ANGPTL4: variants seen among roughly 807,000 people sequenced by gnomAD.
ANGPTL4 encodes angiopoietin like 4.
A neutral mutation model predicts 39.2 loss-of-function variants in ANGPTL4; 39 were observed. The observed-to-expected ratio is 1.00, with a 90% CI of 0.77 to 1.30. The LOEUF is 1.30. Among genes scored for constraint, ANGPTL4 ranks in the 50% most tolerant of loss-of-function variants. The pLI is 0.00. For missense variants in ANGPTL4, 545 were observed against 549.8 expected (o/e 0.99, Z 0.09); for synonymous variants, 233 against 229.5 (o/e 1.02, Z -0.14).
chr19:8,371,170 G>T lies in ANGPTL4; in HGVS notation c.757+19G>T. ...CCCCACGGTAGGTGTTTCTAGTGGG[G>T]ACAGAGGCAGGGGAGGAAGAGGGAC... On this transcript the variant is annotated intron_variant, in intron 5 of 6. Coordinates refer to ENST00000301455, the MANE Select transcript of ANGPTL4 (RefSeq NM_139314.3). The surrounding 1 kb of genome is among the most constrained non-coding windows in gnomAD (Gnocchi z 5.1). 6.2e-7 allele frequency: 1 copy of T among 1,614,054 alleles called. No homozygotes were observed. The highest frequency in any genetic ancestry group is 8.5e-7 in the Non-Finnish European group (1 of 1,179,982).
intron 2 of ANGPTL4, 36 bp from the exon 3 acceptor site, chr19:8,366,165 AG>A: frequency 6.2e-7 from 1 of 1,611,666 alleles, no homozygotes; most frequent in South Asian, 1.1e-5. Flanking sequence ...ACGTGGGGCC[AG>A]GCAGGACCTG....
chr19:8,367,179 CG>C (rs1971024078), intron 3 of ANGPTL4, among the ~76,000 whole-genome samples: 1 of 152,142 alleles, frequency 6.6e-6, no homozygotes. Context: ...CCCAAGCTCC[CG>C]CTCCTTCCCA....
In ANGPTL4 at chr19:8,369,228, G is replaced by A; in HGVS notation, c.557G>A (p.Arg186Lys). 1 of 1,610,914 alleles carries A rather than the reference G, an allele frequency of 6.2e-7. No individual in the cohort carries two copies. Among genetic ancestry groups the A allele is most frequent in the South Asian group, 1.1e-5 (1 of 90,200 alleles). Residue 186 changes from arginine (R) to lysine (K), a missense_variant, in exon 4 of 7, where the codon AGG becomes AAG. By Grantham distance (26) the Arg-to-Lys change is conservative (BLOSUM62 2). Coordinates refer to ENST00000301455, the MANE Select transcript of ANGPTL4 (RefSeq NM_139314.3). ...HNVSRLHRLP[R>K]DCQELFQVGE... is the part of the protein sequence containing the mutation. The stretch of plus-strand genomic sequence containing the variant: ...CTTTATCTCCCTTCAGGGCTGCCCA[G>A]GGATTGCCAGGAGCTGTTCCAGGTT...
chr19:8,364,616 C>T lies in ANGPTL4; in HGVS notation c.295C>T (p.Pro99Ser), dbSNP rs906307738. The T allele has an allele frequency of 3.8e-6, 6 of 1,591,640 alleles. No homozygotes were observed. The highest frequency in any genetic ancestry group is 5.1e-6 in the Non-Finnish European group (6 of 1,170,142). Residue 99 changes from proline to serine, a missense_variant, in exon 1 of 7, where the codon CCT (proline) becomes TCT (serine). Pro to Ser is a moderately conservative substitution (Grantham distance 74). Coordinates refer to ENST00000301455, the MANE Select transcript of ANGPTL4 (RefSeq NM_139314.3). ...GTTAGCCCCTGAGAGCCGGGTGGACCCTGAGGTCCTTCACAGCCTGCAGGT... is the reference window on the plus strand; with the variant it reads ...GTTAGCCCCTGAGAGCCGGGTGGACTCTGAGGTCCTTCACAGCCTGCAGGT... ...LPLAPESRVD[P>S]EVLHSLQTQL...
rs1971011886 is a variant in ANGPTL4, at chr19:8,366,632, T to C, written c.547+313T>C. Reference sequence around the variant, plus strand: ...TGAGCTGCAGGGGTGCTGGAGAAGGTAGAAATGGGGTTCGGGGTGCCATCC... The same window carrying C: ...TGAGCTGCAGGGGTGCTGGAGAAGGCAGAAATGGGGTTCGGGGTGCCATCC... On this transcript the variant is annotated intron_variant, in intron 3 of 6. Transcript: ENST00000301455. 3.3e-5 allele frequency among the ~76,000 whole-genome samples: 5 copies of C among 151,814 alleles called. No individual in the cohort carries two copies. The South Asian group carries it at 1.0e-3, about 32-fold the overall frequency.
chr19:8,366,437 G>GGTGAGCCCTC, intron 3 of ANGPTL4, 118 bp downstream of exon 3: 2 of 1,144,178 alleles, frequency 1.7e-6, no homozygotes, highest in Non-Finnish European at 1.3e-6. Context: ...TGGAGTCCCT[G>GGTGAGCCCTC]AGGGCTCACC....
At chr19:8,369,542 C>G (rs1286580707) in intron 4 of ANGPTL4, among the ~76,000 whole-genome samples, 1 of 149,464 alleles carries the variant, frequency 6.7e-6, no homozygotes, top group Non-Finnish European at 1.5e-5. Flanking sequence ...AAACCTCCGC[C>G]TCCCGGGTTC....
chr19:8,368,205 A>C (rs941161192), intron 3 of ANGPTL4, among the ~76,000 whole-genome samples: 4 of 152,054 alleles, frequency 2.6e-5, no homozygotes, highest in Non-Finnish European at 5.9e-5. Context: ...GTTTTACTAG[A>C]GATGGGGTTT....
chr19:8,368,472 G>C (rs934643957), intron 3 of ANGPTL4, among the ~76,000 whole-genome samples: 3 of 152,196 alleles, frequency 2.0e-5, no homozygotes, highest in African/African-American at 7.2e-5. Flanking sequence ...GGAAGTCCTT[G>C]CTCAATTCCC....
rs10404615 is a variant in ANGPTL4, at chr19:8,371,404, C to T, written c.921C>T (p.Pro307=). Residue 307 remains proline (P), a synonymous_variant, in exon 6 of 7, where the codon CCC becomes CCT. Coordinates refer to ENST00000301455, the MANE Select transcript of ANGPTL4 (RefSeq NM_139314.3). The surrounding 1 kb of genome is among the most constrained non-coding windows in gnomAD (Gnocchi z 5.1). ...DTAYSLQLTA[P]VAGQLGATTV... ...CCTATAGCCTGCAGCTCACTGCACC[C>T]GTGGCCGGCCAGCTGGGCGCCACCA... is the stretch of plus-strand genomic sequence containing the variant. The T allele has an allele frequency of 6.7e-3, 10,882 of 1,613,432 alleles. 619 individuals are homozygous for T. In the African/African-American group the frequency reaches 0.13, roughly 19 times the overall value.
Position 8,373,892 on chromosome 19 carries a change from T to C in ANGPTL4, c.*6T>C, listed in dbSNP as rs3210988. The stretch of plus-strand genomic sequence containing the variant: ...CAGCAGAGGCAGCCTCCTAGCGTCC[T>C]GGCTGGGCCTGGTCCCAGGCCCACG... On this transcript the variant is annotated 3_prime_UTR_variant, in exon 7 of 7. Transcript: ENST00000301455. The C allele has an allele frequency of 6.2e-7, 1 of 1,612,562 alleles. No individual in the cohort carries two copies. Among genetic ancestry groups the C allele is most frequent in the African/African-American group, 1.3e-5 (1 of 74,904 alleles).
At chr19:8,368,107 C>T (rs1413340523) in intron 3 of ANGPTL4, among the ~76,000 whole-genome samples, 1 of 149,222 alleles carries the variant, frequency 6.7e-6, no homozygotes, top group Admixed American at 6.8e-5. Context: ...CAACCTCTGC[C>T]TCCCGGGTTC....
chr19:8,364,521 G>A lies in ANGPTL4; in HGVS notation c.200G>A (p.Ser67Asn), dbSNP rs1370073379. 6.4e-7 allele frequency: 1 copy of A among 1,566,190 alleles called. No homozygotes were observed. Residue 67 changes from serine to asparagine, a missense_variant, in exon 1 of 7, where the codon AGC becomes AAC. Coordinates refer to ENST00000301455, the MANE Select transcript of ANGPTL4 (RefSeq NM_139314.3). ...GCGGAGCGCACCCGCAGTCAGCTGA[G>A]CGCGCTGGAGCGGCGCCTGAGCGCG... ...EHAERTRSQLSALERRLSACG... is the reference protein window; with the variant it reads ...EHAERTRSQLNALERRLSACG...
chr19:8,366,613 G>T (rs1247209077), intron 3 of ANGPTL4, among the ~76,000 whole-genome samples: 2 of 152,184 alleles, frequency 1.3e-5, no homozygotes, highest in Non-Finnish European at 2.9e-5. Flanking sequence ...GACTTGAGCT[G>T]CAGGGGTGCT....
chr19:8,366,222 G>A lies in ANGPTL4; in HGVS notation c.450G>A (p.Lys150=), dbSNP rs765669768. Residue 150 remains lysine, a synonymous_variant, in exon 3 of 7, where the codon AAG becomes AAA. Coordinates refer to ENST00000301455, the MANE Select transcript of ANGPTL4 (RefSeq NM_139314.3). The part of the protein sequence containing the change: ...LQSQFGLLDH[K]HLDHEVAKPA... ...CCTAGTTTGGCCTCCTGGACCACAA[G>A]CACCTAGACCATGAGGTGGCCAAGC... The A allele has an allele frequency of 1.2e-6, 2 of 1,614,140 alleles. No individual in the cohort carries two copies. The highest frequency in any genetic ancestry group is 2.2e-5 in the South Asian group (2 of 91,084).
Position 8,371,993 on chromosome 19 carries a change from C to T in ANGPTL4, c.1039+471C>T, listed in dbSNP as rs527840376. 2.6e-5 allele frequency among the ~76,000 whole-genome samples: 4 copies of T among 152,040 alleles called. No homozygotes were observed. Among genetic ancestry groups the T allele is most frequent in the East Asian group, 3.9e-4 (2 of 5,148 alleles). On this transcript the variant is annotated intron_variant, in intron 6 of 6. Transcript: ENST00000301455. The surrounding 1 kb of genome is among the most constrained non-coding windows in gnomAD (Gnocchi z 5.1). ...CAGGATGGTCTCGATCTCCTGACCT[C>T]GTGATCTGCCTGCCTCAGCCTCCCA...
chr19:8,366,988 T>A (rs1881515919), intron 3 of ANGPTL4, among the ~76,000 whole-genome samples: 1 of 151,628 alleles, frequency 6.6e-6, no homozygotes, highest in South Asian at 2.1e-4. Context: ...CATGTCCACG[T>A]GTGTCCGATG....
In ANGPTL4 at chr19:8,364,783, G is replaced by A. The variant is rs928188844; in HGVS notation, c.318+144G>A. On this transcript the variant is annotated intron_variant, in intron 1 of 6. Transcript: ENST00000301455. ...CGTCAAGGGATGGGCTCCCCCCTTAGGAAGCCGAGGAGGGAGGTTCGCTCA... is the reference window on the plus strand; with the variant it reads ...CGTCAAGGGATGGGCTCCCCCCTTAAGAAGCCGAGGAGGGAGGTTCGCTCA... 5.6e-6 allele frequency: 6 copies of A among 1,079,550 alleles called. No individual in the cohort carries two copies. The Admixed American group carries it at 1.3e-4, about 24-fold the overall frequency. 66.9% of individuals were successfully genotyped at this position (1,079,550 alleles called of 1,614,324 possible). A position where few individuals can be genotyped will look rare whatever the true frequency, so the allele number is the denominator to read the frequency against.
Position 8,371,677 on chromosome 19 carries a change from C to T in ANGPTL4, c.1039+155C>T, listed in dbSNP as rs557796680. Among the ~76,000 whole-genome samples, 3 of 152,358 alleles carry T rather than the reference C, an allele frequency of 2.0e-5. No homozygotes were observed. The highest frequency in any genetic ancestry group is 4.4e-5 in the Non-Finnish European group (3 of 68,030). ...TGATTGGGCCACTAACTTAGCCTAT[C>T]TGGCCTCAGTTTTCCCATCCTGAAA... On this transcript the variant is annotated intron_variant, in intron 6 of 6. Transcript: ENST00000301455. The surrounding 1 kb of genome is among the most constrained non-coding windows in gnomAD (Gnocchi z 5.1).
Sources: allele counts gnomAD v4.1 joint callset (sites outside exome capture counted in the v4.1 genomes callset), GRCh38; gene constraint gnomAD v4.1.1; non-coding constraint Gnocchi (gnomAD v3.1); transcripts MANE v1.5; gene names NCBI Gene and HGNC (gene_info 2026-07-23, HGNC 2026-07-21).